Variants in CDK17 observed in about 807,000 individuals in gnomAD.
CDK17 encodes the protein cyclin-dependent kinase 17.
A neutral mutation model predicts 77.6 loss-of-function variants in CDK17; 24 were observed. That is an observed-to-expected ratio of 0.31 (90% CI 0.22 to 0.44). The LOEUF is 0.44. Among genes scored for constraint, CDK17 ranks in the 20% least tolerant of loss-of-function variants. The pLI is 1.00. For missense variants in CDK17, 429 were observed against 622.5 expected, an observed-to-expected ratio of 0.69 and a Z score of 3.31; for synonymous variants, 203 against 210.4, an observed-to-expected ratio of 0.96 and a Z score of 0.30.
At chr12:96,389,835 GTTT>G (rs144451889) in intron 1 of CDK17, among the ~76,000 whole-genome samples, 3 of 138,360 alleles carry the variant, frequency 2.2e-5, no homozygotes. Flanking sequence ...TTTGTTTTTT[GTTT>G]TTTTTTTTTT....
intron 1 of CDK17, among the ~76,000 whole-genome samples, chr12:96,374,603 A>C (rs148221752): frequency 6.6e-6 from 1 of 152,302 alleles, no homozygotes; most frequent in Non-Finnish European, 1.5e-5. Context: ...GCAAATTCTT[A>C]TACTTCCTTT....
chr12:96,283,690 G>A (rs754122007), intron 13 of CDK17, 45 bp from the exon 14 acceptor site: 32 of 1,284,674 alleles, frequency 2.5e-5, no homozygotes, highest in Non-Finnish European at 3.6e-5. Context: ...TCTCTTAGCT[G>A]ATAAAACTTT....
At chr12:96,298,297 A>T (rs937902866) in intron 7 of CDK17, among the ~76,000 whole-genome samples, 4 of 152,116 alleles carry the variant, frequency 2.6e-5, no homozygotes, top group African/African-American at 4.8e-5. Flanking sequence ...AAAAAAAAAA[A>T]AAAGTTCATG....
chr12:96,393,498 T>G lies in CDK17; in HGVS notation c.-30+6488A>C, dbSNP rs1432890651. On this transcript the variant is annotated intron_variant, in intron 1 of 16. Coordinates refer to ENST00000261211, the MANE Select transcript of CDK17 (RefSeq NM_002595.5). ...CTGTAATTCCAGCACTTTGGGAGGC[T>G]GAGGCAGGCAGATTGCTTGAGCTCA... Among the ~76,000 whole-genome samples, 3 of 151,546 alleles carry G rather than the reference T, an allele frequency of 2.0e-5. No homozygotes were observed. In the East Asian group the frequency reaches 5.8e-4, roughly 30 times the overall value.
At chr12:96,374,009 G>C (rs1336397770) in intron 1 of CDK17, among the ~76,000 whole-genome samples, 1 of 152,126 alleles carries the variant, frequency 6.6e-6, no homozygotes, top group Non-Finnish European at 1.5e-5. Context: ...TGCATGTATT[G>C]TACCTAGCAC....
intron 5 of CDK17, among the ~76,000 whole-genome samples, chr12:96,310,570 G>A (rs1239128494): frequency 6.6e-6 from 1 of 151,856 alleles, no homozygotes; most frequent in Non-Finnish European, 1.5e-5. Flanking sequence ...GAGGAAGTGA[G>A]GAATACTAAG....
In CDK17 at chr12:96,399,922, C is replaced by T. The variant is rs2137260589; in HGVS notation, c.-30+64G>A. The stretch of plus-strand genomic sequence containing the variant: ...CCCCCGCCTCTGTCCCACGCAGCCT[C>T]CCGGCCCCGCGGCCGACCCGACACC... On this transcript the variant is annotated intron_variant, in intron 1 of 16. Transcript: ENST00000261211. The T allele has an allele frequency of 5.7e-6, 2 of 348,844 alleles. 1 individual carries two copies. Among genetic ancestry groups the T allele is most frequent in the South Asian group, 3.0e-4 (2 of 6,612 alleles). The allele number at this position is 348,844 out of a possible 1,614,324, so 21.6% of individuals were successfully genotyped here. A position where few individuals can be genotyped will look rare whatever the true frequency, so the allele number is the denominator to read the frequency against.
At chr12:96,375,663 G>C (rs1953768038) in intron 1 of CDK17, among the ~76,000 whole-genome samples, 1 of 151,964 alleles carries the variant, frequency 6.6e-6, no homozygotes, top group African/African-American at 2.4e-5. Flanking sequence ...TCCTGCCTCA[G>C]CCTCCTGAGT....
intron 13 of CDK17, chr12:96,284,464 A>G (rs1164934792): frequency 6.8e-6 from 1 of 146,310 alleles, no homozygotes; most frequent in Non-Finnish European, 1.5e-5. Flanking sequence ...CTGTCTCCCA[A>G]AAAAAAAAAA....
Position 96,334,797 on chromosome 12 carries a change from C to G in CDK17, c.40G>C (p.Gly14Arg). 4.3e-6 allele frequency: 7 copies of G among 1,611,292 alleles called. No homozygotes were observed. Among genetic ancestry groups the G allele is most frequent in the Non-Finnish European group, 5.9e-6 (7 of 1,177,714 alleles). Residue 14 changes from glycine to arginine, a missense_variant, in exon 2 of 17, where the codon GGA becomes CGA. Physicochemically the swap from Gly to Arg is moderately radical, Grantham distance 125. Transcript: ENST00000261211. ...FKRRLSLTLRGSQTIDESLSE... is the reference protein window; with the variant it reads ...FKRRLSLTLRRSQTIDESLSE... ...AATGATTCATCAATAGTCTGACTTC[C>G]TCGGAGTGTGAGGGATAGCCTTCTC...
In CDK17 at chr12:96,334,838, C is replaced by T. The variant is rs1421173207; in HGVS notation, c.-2G>A. On this transcript the variant is annotated 5_prime_UTR_variant, in exon 2 of 17. Coordinates refer to ENST00000261211, the MANE Select transcript of CDK17 (RefSeq NM_002595.5). ...TAGCCTTCTCTTAAATTTTTTCATC[C>T]TATCAATTGAATGTGGCTTGAAAAA... 7.5e-6 allele frequency: 11 copies of T among 1,476,276 alleles called. No homozygotes were observed. Among genetic ancestry groups the T allele is most frequent in the Non-Finnish European group, 1.0e-5 (11 of 1,055,318 alleles). The allele number at this position is 1,476,276 out of a possible 1,614,324, so 91.4% of individuals were successfully genotyped here.
At chr12:96,375,737 G>C (rs1245278311) in intron 1 of CDK17, among the ~76,000 whole-genome samples, 2 of 151,732 alleles carry the variant, frequency 1.3e-5, no homozygotes, top group African/African-American at 4.8e-5. Context: ...GTAGAGATGG[G>C]GTTTCACGAT....
At chr12:96,345,766 AAACT>A (rs1953199236) in intron 1 of CDK17, among the ~76,000 whole-genome samples, 2 of 152,206 alleles carry the variant, frequency 1.3e-5, no homozygotes, top group African/African-American at 4.8e-5. Flanking sequence ...AACCACTAAA[AAACT>A]AACTATAAAA....
chr12:96,377,864 T>G (rs1953809176), intron 1 of CDK17, among the ~76,000 whole-genome samples: 2 of 152,056 alleles, frequency 1.3e-5, no homozygotes, highest in Admixed American at 1.3e-4. Context: ...CAGCTAATTT[T>G]TTGTATTTTT....
chr12:96,310,147 C>T (rs773903246), intron 5 of CDK17, among the ~76,000 whole-genome samples: 6 of 152,016 alleles, frequency 3.9e-5, no homozygotes, highest in South Asian at 2.1e-4. Context: ...ACAATGAAAA[C>T]GAATTATCTA....
At chr12:96,296,686 A>G (rs1952411925) in intron 9 of CDK17, among the ~76,000 whole-genome samples, 1 of 152,222 alleles carries the variant, frequency 6.6e-6, no homozygotes, top group Non-Finnish European at 1.5e-5. Context: ...GGATGCTGTT[A>G]CTCAGTTAAT....
intron 1 of CDK17, among the ~76,000 whole-genome samples, chr12:96,362,623 T>C (rs965086941): frequency 2.5e-4 from 38 of 152,300 alleles, no homozygotes; most frequent in African/African-American, 9.1e-4. Context: ...CAACAGTAAA[T>C]ATTTTAGGCT....
chr12:96,333,837 A>C (rs1304931565), intron 2 of CDK17, among the ~76,000 whole-genome samples: 1 of 152,144 alleles, frequency 6.6e-6, no homozygotes. Flanking sequence ...GACCCTTCTG[A>C]GTAAAGGAAA....
At chr12:96,393,354 C>CAAAAA (rs10633197) in intron 1 of CDK17, among the ~76,000 whole-genome samples, 2,365 of 43,100 alleles carry the variant, frequency 0.055, 245 homozygotes, top group Non-Finnish European at 0.06. Flanking sequence ...GGCTCCGCCT[C>CAAAAA]AAAAAAAAAA....
Sources: allele counts gnomAD v4.1 joint callset (sites outside exome capture counted in the v4.1 genomes callset), GRCh38; gene constraint gnomAD v4.1.1; transcripts MANE v1.5; gene names NCBI Gene and HGNC (gene_info 2026-07-23, HGNC 2026-07-21).